PTPRU: variants seen among roughly 807,000 people sequenced by gnomAD.
PTPRU encodes receptor-type tyrosine-protein phosphatase U.
In PTPRU, 69 loss-of-function variants were observed where a neutral mutation model predicts 166.3. That is an observed-to-expected ratio of 0.41 (90% confidence interval 0.34 to 0.51). The LOEUF (loss-of-function observed/expected upper bound fraction) is 0.51. Ranked by LOEUF, PTPRU falls within the 20% of genes least tolerant of loss-of-function variation. The pLI is 0.09. For missense variants in PTPRU, 1,657 were observed against 2,013.7 expected, an observed-to-expected ratio of 0.82 and a Z score of 3.39; for synonymous variants, 793 against 814.0, an observed-to-expected ratio of 0.97 and a Z score of 0.44.
At chr1:29,256,571 C>A (rs145590080) in intron 2 of PTPRU, among the ~76,000 whole-genome samples, 8 of 152,328 alleles carry the variant, frequency 5.3e-5, no homozygotes, top group African/African-American at 1.9e-4. Context: ...GCGCCTCCTG[C>A]GGACTCTCAT....
intron 16 of PTPRU, among the ~76,000 whole-genome samples, chr1:29,304,567 T>TC (rs1221027615): frequency 6.6e-6 from 1 of 152,028 alleles, no homozygotes; most frequent in East Asian, 1.9e-4. Context: ...TCATTTCCCT[T>TC]CCCCCCACAT....
chr1:29,315,253 C>T lies in PTPRU; in HGVS notation c.3228-119C>T. ...TCCTTACTCGGGGAGGGGCAGTCAT[C>T]TCTGTGTCCGTGTCCCCTGTATGGT... On this transcript the variant is annotated intron_variant, in intron 22 of 29. Coordinates refer to ENST00000373779, the MANE Select transcript of PTPRU (RefSeq NM_133178.4). The surrounding 1 kb of genome is among the most constrained non-coding windows in gnomAD (Gnocchi z 4.5). 1 of 1,296,184 alleles carries T rather than the reference C, an allele frequency of 7.7e-7. No individual in the cohort carries two copies. Among genetic ancestry groups the T allele is most frequent in the South Asian group, 1.4e-5 (1 of 73,100 alleles). 80.3% of individuals were successfully genotyped at this position (1,296,184 alleles called of 1,614,324 possible). A position where few individuals can be genotyped will look rare whatever the true frequency, so the allele number is the denominator to read the frequency against.
intron 5 of PTPRU, 36 bp downstream of exon 5, chr1:29,259,600 T>TTTTGGTGGGGGGGGGGGGGGGG: frequency 3.9e-6 from 1 of 253,694 alleles, no homozygotes; most frequent in Non-Finnish European, 7.7e-6. Flanking sequence ...GGGGGCGGGG[T>TTTTGGTGGGGGGGGGGGGGGGG]GGGAGGGGGT....
rs1377546463 is a variant in PTPRU, at chr1:29,325,800, T to G, written c.*139T>G. On this transcript the variant is annotated 3_prime_UTR_variant, in exon 30 of 30. Transcript: ENST00000373779. ...CACTGGAGTGGATGCTGGGCTATCT[T>G]GCTCCCCCTTCCACTGTGGGCAGGG... The G allele has an allele frequency of 1.2e-5, 12 of 971,598 alleles. No homozygotes were observed. In the East Asian group the frequency reaches 3.2e-4, roughly 26 times the overall value. The allele number at this position is 971,598 out of a possible 1,614,324, so 60.2% of individuals were successfully genotyped here.
intron 8 of PTPRU, among the ~76,000 whole-genome samples, chr1:29,277,800 A>ATT (rs1478190246): frequency 2.4e-5 from 1 of 41,782 alleles, no homozygotes; most frequent in African/African-American, 7.5e-5. Context: ...CACAGTTGTC[A>ATT]TTCTTTTTTT....
Position 29,315,512 on chromosome 1 carries a change from G to A in PTPRU, c.3363+5G>A, listed in dbSNP as rs763840388. The A allele has an allele frequency of 6.2e-6, 10 of 1,614,034 alleles. No homozygotes were observed. The highest frequency in any genetic ancestry group is 3.3e-5 in the South Asian group (3 of 91,076). On this transcript the variant is annotated splice_donor_5th_base_variant and intron_variant, in intron 23 of 29. Coordinates refer to ENST00000373779, the MANE Select transcript of PTPRU (RefSeq NM_133178.4). This position sits in a 1 kb window ranked among gnomAD's most constrained non-coding sequence, Gnocchi z 4.5. ...GTCAACATGATCCAGACTGAGGTGC[G>A]GGGACCTGGCCCTGTCCCCACCATT...
chr1:29,283,597 C>T (rs1574660395), intron 12 of PTPRU: 1 of 365,402 alleles, frequency 2.7e-6, no homozygotes, highest in East Asian at 5.6e-5. Context: ...GCTCCTCCCT[C>T]CTCTGCTTCT....
chr1:29,282,842 C>T lies in PTPRU; in HGVS notation c.2035C>T (p.Pro679Ser). The change falls in exon 12 of 30, where the codon CCC becomes TCC. Residue 679 changes from proline to serine, a missense_variant. Coordinates refer to ENST00000373779, the MANE Select transcript of PTPRU (RefSeq NM_133178.4). ...LAASSLPEAM[P>S]FTVGDNQTYR... ...GGCCAGCAGTCTACCTGAGGCCATG[C>T]CCTTTACCGTGGGTGACAACCAGAC... is the stretch of plus-strand genomic sequence containing the variant. 6.2e-7 allele frequency: 1 copy of T among 1,614,154 alleles called. No homozygotes were observed. The highest frequency in any genetic ancestry group is 8.5e-7 in the Non-Finnish European group (1 of 1,180,010).
rs1008106376 is a variant in PTPRU at position 29,271,825 on chromosome 1, C to G, written c.1145-3623C>G. Among the ~76,000 whole-genome samples, 24 of 152,170 alleles carry G rather than the reference C, an allele frequency of 1.6e-4. No individual in the cohort carries two copies. The highest frequency in any genetic ancestry group is 5.3e-4 in the African/African-American group (22 of 41,426). On this transcript the variant is annotated intron_variant, in intron 7 of 29. Coordinates refer to ENST00000373779, the MANE Select transcript of PTPRU (RefSeq NM_133178.4). The surrounding 1 kb of genome is among the most constrained non-coding windows in gnomAD (Gnocchi z 4.4). ...CCCTTCTGTAAATGCTGCAGGAGGA[C>G]TAGGAAGCAGAATGCTTCTGCCAAG...
At position 29,271,601 on chromosome 1, in the gene PTPRU, T is replaced by C. The variant is rs1373415187; in HGVS notation, c.1145-3847T>C. Among the ~76,000 whole-genome samples, 4 of 152,174 alleles carry C rather than the reference T, an allele frequency of 2.6e-5. No homozygotes were observed. Among genetic ancestry groups the C allele is most frequent in the Admixed American group, 2.6e-4 (4 of 15,270 alleles). On this transcript the variant is annotated intron_variant, in intron 7 of 29. Coordinates refer to ENST00000373779, the MANE Select transcript of PTPRU (RefSeq NM_133178.4). This position sits in a 1 kb window ranked among gnomAD's most constrained non-coding sequence, Gnocchi z 4.4. ...AGTAGGTTGCCAGTATTTAAAAATC[T>C]GGAGATTTCACATAAAAATTGGAAT...
chr1:29,291,245 T>A lies in PTPRU; in HGVS notation c.2319-624T>A, dbSNP rs546581799. Among the ~76,000 whole-genome samples, 1 of 152,218 alleles carries A rather than the reference T, an allele frequency of 6.6e-6. No individual in the cohort carries two copies. Among genetic ancestry groups the A allele is most frequent in the African/African-American group, 2.4e-5 (1 of 41,526 alleles). On this transcript the variant is annotated intron_variant, in intron 14 of 29. Transcript: ENST00000373779. This position sits in a 1 kb window ranked among gnomAD's most constrained non-coding sequence, Gnocchi z 4.1. The stretch of plus-strand genomic sequence containing the variant: ...GGGTCTCTTTACAAGTCTGTGGTGG[T>A]CTATGCTGGGACCATCCTAGGTGCT...
intron 15 of PTPRU, among the ~76,000 whole-genome samples, chr1:29,297,657 T>C (rs943363772): frequency 6.6e-6 from 1 of 152,096 alleles, no homozygotes; most frequent in African/African-American, 2.4e-5. Context: ...CTCCAGTGGG[T>C]GCTAGAGAGA....
Position 29,317,596 on chromosome 1 carries a change from C to G in PTPRU, c.3514-152C>G, listed in dbSNP as rs564830186. ...CTATAATGGCCTAGAGACAGGGAGT[C>G]TGGCTCCGTGCCCTGTACCCTTCTC... On this transcript the variant is annotated intron_variant, in intron 24 of 29. Coordinates refer to ENST00000373779, the MANE Select transcript of PTPRU (RefSeq NM_133178.4). This position sits in a 1 kb window ranked among gnomAD's most constrained non-coding sequence, Gnocchi z 5.6. 6.8e-4 allele frequency: 606 copies of G among 888,752 alleles called. No homozygotes were observed. Among genetic ancestry groups the G allele is most frequent in the Non-Finnish European group, 9.1e-4 (545 of 599,588 alleles). The allele number at this position is 888,752 out of a possible 1,614,324, so 55.1% of individuals were successfully genotyped here.
chr1:29,276,402 A>G (rs1420778773), intron 8 of PTPRU, among the ~76,000 whole-genome samples: 1 of 151,028 alleles, frequency 6.6e-6, no homozygotes, highest in Non-Finnish European at 1.5e-5. Flanking sequence ...TGCAGCCTCG[A>G]CCTCCCAGGC....
At position 29,283,962 on chromosome 1, in the gene PTPRU, G is replaced by T. The variant is rs1686222084; in HGVS notation, c.2165G>T (p.Arg722Leu). The T allele has an allele frequency of 2.5e-6, 4 of 1,613,870 alleles. No homozygotes were observed. The highest frequency in any genetic ancestry group is 2.2e-5 in the South Asian group (2 of 91,068). Residue 722 changes from arginine to leucine, a missense_variant, in exon 13 of 30, where the codon CGC becomes CTC. This residue lies in a region of PTPRU where 1,190 missense variants were observed against 1,477.4 expected (regional missense o/e 0.81). Transcript: ENST00000373779. Reference sequence around the variant, plus strand: ...CAGGAGACCCGGCTGAATTGCATCCGCATTGCCAGGAAAGGTAAGTCCGCT... The same window carrying T: ...CAGGAGACCCGGCTGAATTGCATCCTCATTGCCAGGAAAGGTAAGTCCGCT... ...LKGETRLNCI[R>L]IARKAACKES...
intron 1 of PTPRU, among the ~76,000 whole-genome samples, chr1:29,250,297 G>C (rs1684493801): frequency 6.6e-6 from 1 of 152,112 alleles, no homozygotes; most frequent in African/African-American, 2.4e-5. Context: ...GACCTGCTTT[G>C]TACTGGCAGG....
Position 29,291,836 on chromosome 1 carries a change from A to G in PTPRU, c.2319-33A>G. 6.2e-7 allele frequency: 1 copy of G among 1,610,052 alleles called. No individual in the cohort carries two copies. The highest frequency in any genetic ancestry group is 2.2e-5 in the East Asian group (1 of 44,820). ...TCTGGGTGCTGTCCAGCCCCACACA[A>G]TGCCTGTGTCTCCCCTCAACCCCCC... is the stretch of plus-strand genomic sequence containing the variant. On this transcript the variant is annotated intron_variant, in intron 14 of 29. Transcript: ENST00000373779. This position sits in a 1 kb window ranked among gnomAD's most constrained non-coding sequence, Gnocchi z 4.1.
chr1:29,240,670 C>T (rs957362308), intron 1 of PTPRU, among the ~76,000 whole-genome samples: 7 of 152,212 alleles, frequency 4.6e-5, no homozygotes, highest in Non-Finnish European at 8.8e-5. Flanking sequence ...CTCCCCCAGG[C>T]TCTGGCCCCA....
intron 15 of PTPRU, among the ~76,000 whole-genome samples, 196 bp from the exon 16 acceptor site, chr1:29,303,659 G>A (rs934652961): frequency 6.6e-6 from 1 of 152,210 alleles, no homozygotes. Context: ...TCTACAGGTG[G>A]AACCGAGATT....
Sources: gnomAD v4.1 joint callset for allele counts (sites outside exome capture counted in the v4.1 genomes callset) on GRCh38, gnomAD v4.1.1 for gene constraint, gnomAD v4.1.1 regional missense constraint, Gnocchi (gnomAD v3.1) non-coding constraint, MANE v1.5 for transcripts, NCBI Gene and HGNC (gene_info 2026-07-23, HGNC 2026-07-21) for gene names.